The following TARS2 variants were observed in gnomAD, a reference collection of about 807,000 sequenced individuals.
TARS2 encodes threonine--tRNA ligase, mitochondrial.
In TARS2, 61 loss-of-function variants were observed where a neutral mutation model predicts 94.4. The ratio of observed to expected loss-of-function variants is 0.65; its 90% CI spans 0.53 to 0.80. TARS2 has a LOEUF of 0.80. TARS2 is among the 30% of genes least tolerant of loss of function. TARS2 has a pLI of 0.00. For synonymous variants in TARS2, 359 were observed against 353.4 expected, an observed-to-expected ratio of 1.02 and a Z score of -0.18; for missense variants, 704 against 902.5, an observed-to-expected ratio of 0.78 and a Z score of 2.82.
intron 8 of TARS2, 30 bp downstream of exon 8, chr1:150,496,658 G>GGTGATAA: frequency 2.5e-6 from 4 of 1,606,344 alleles, no homozygotes; most frequent in Non-Finnish European, 3.4e-6. Flanking sequence ...AGGGAGGGAT[G>GGTGATAA]GTGATAAGGG....
chr1:150,505,036 CT>C, intron 16 of TARS2, 58 bp downstream of exon 16: 1 of 1,574,658 alleles, frequency 6.4e-7, no homozygotes, highest in Non-Finnish European at 8.7e-7. Context: ...GTCTGGTGCC[CT>C]GCAGTGGGCA....
chr1:150,503,647 G>GTGTGTATACA (rs1331825041), intron 13 of TARS2, among the ~76,000 whole-genome samples: 1 of 149,650 alleles, frequency 6.7e-6, no homozygotes. Flanking sequence ...GTGTATATAT[G>GTGTGTATACA]TGTGTATATA....
chr1:150,497,846 C>G, intron 10 of TARS2, 99 bp downstream of exon 10: 4 of 1,264,902 alleles, frequency 3.2e-6, no homozygotes, highest in Non-Finnish European at 4.3e-6. Context: ...AATCCCAACA[C>G]TTTGGGAGGC....
intron 13 of TARS2, among the ~76,000 whole-genome samples, chr1:150,503,826 C>T (rs951480419): frequency 6.7e-6 from 1 of 150,188 alleles, no homozygotes; most frequent in African/African-American, 2.5e-5. Context: ...TCGCTTGAAC[C>T]CGGGAGGCGG....
chr1:150,498,565 G>T lies in TARS2; in HGVS notation c.1302G>T (p.Gly434=), dbSNP rs1445499723. The T allele has an allele frequency of 6.2e-7, 1 of 1,604,818 alleles. No homozygotes were observed. Among genetic ancestry groups the T allele is most frequent in the East Asian group, 2.2e-5 (1 of 44,782 alleles). ...RELPLRLADF[G]ALHRAEASGG... is the part of the protein sequence containing the mutation. ...TGCCCCTGCGACTAGCTGACTTTGGGGCTCTACACCGGGCCGAAGCCTCTG... is the reference window on the plus strand; with the variant it reads ...TGCCCCTGCGACTAGCTGACTTTGGTGCTCTACACCGGGCCGAAGCCTCTG... The change falls in exon 11 of 18, where the codon GGG becomes GGT. Residue 434 remains glycine, a synonymous_variant. Coordinates refer to ENST00000369064, the MANE Select transcript of TARS2 (RefSeq NM_025150.5).
At chr1:150,490,268 G>A (rs1236006101) in intron 3 of TARS2, among the ~76,000 whole-genome samples, 44 of 151,562 alleles carry the variant, frequency 2.9e-4, no homozygotes, top group South Asian at 4.2e-4. Flanking sequence ...ACAGACACAC[G>A]CCACCATGCC....
At chr1:150,501,344 G>A in intron 13 of TARS2, among the ~76,000 whole-genome samples, 1 of 97,414 alleles carries the variant, frequency 1.0e-5, no homozygotes, top group Non-Finnish European at 1.8e-5. Context: ...TTGAGACTAT[G>A]TCTCGCTCTG....
At chr1:150,501,587 T>C (rs1332320956) in intron 13 of TARS2, among the ~76,000 whole-genome samples, 2 of 151,568 alleles carry the variant, frequency 1.3e-5, no homozygotes, top group Non-Finnish European at 1.5e-5. Flanking sequence ...CTGCCCGCCT[T>C]GGCCTACCAA....
chr1:150,488,204 T>C, intron 2 of TARS2, 150 bp downstream of exon 2: 1 of 962,830 alleles, frequency 1.0e-6, no homozygotes. Flanking sequence ...TGTTTTTTGT[T>C]GTTGTTCTTT....
At position 150,507,271 on chromosome 1, in the gene TARS2, C is replaced by CAA. The variant is rs72121396; in HGVS notation, c.*215_*216dup. ...TTTGGATGTGAGGAGAATGAAACTA[C>CAA]AAAAAAAAATAAATTGGGCCAGGCG... On this transcript the variant is annotated 3_prime_UTR_variant, in exon 18 of 18. Transcript: ENST00000369064. 19 of 609,840 alleles carry CAA rather than the reference C, an allele frequency of 3.1e-5. No individual in the cohort carries two copies. Among genetic ancestry groups the CAA allele is most frequent in the African/African-American group, 2.6e-4 (14 of 53,022 alleles). The allele number at this position is 609,840 out of a possible 1,614,324, so 37.8% of individuals were successfully genotyped here.
chr1:150,503,579 ATATATATGTG>A (rs1560257287), intron 13 of TARS2, among the ~76,000 whole-genome samples: 2 of 90,154 alleles, frequency 2.2e-5, no homozygotes, highest in Non-Finnish European at 2.2e-5. Flanking sequence ...GTGTGTGTGT[ATATATATGTG>A]TGTGTGTGTG....
chr1:150,503,644 T>TATGTGTGTATAC (rs1553905488), intron 13 of TARS2, among the ~76,000 whole-genome samples: 36,550 of 117,278 alleles, frequency 0.31, 6,275 homozygotes, highest in Non-Finnish European at 0.43. Context: ...TGTGTGTATA[T>TATGTGTGTATAC]ATGTGTGTAT....
At chr1:150,505,271 C>T (rs1159003119) in intron 16 of TARS2, among the ~76,000 whole-genome samples, 1 of 152,152 alleles carries the variant, frequency 6.6e-6, no homozygotes, top group Non-Finnish European at 1.5e-5. Flanking sequence ...TTTATTTTTC[C>T]TTTCTAGAGA....
At chr1:150,490,397 G>T (rs1476709288) in intron 3 of TARS2, among the ~76,000 whole-genome samples, 1 of 152,016 alleles carries the variant, frequency 6.6e-6, no homozygotes, top group East Asian at 1.9e-4. Context: ...GGGGTTACAG[G>T]CATGAGCTGC....
At chr1:150,500,117 G>A (rs2102498000) in intron 13 of TARS2, among the ~76,000 whole-genome samples, 3 of 152,148 alleles carry the variant, frequency 2.0e-5, no homozygotes, top group Admixed American at 2.0e-4. Flanking sequence ...AGAGGCTGCA[G>A]TGAGCCGAGA....
At chr1:150,497,795 T>C (rs763510984) in intron 10 of TARS2, 48 bp downstream of exon 10, 24 of 1,568,616 alleles carry the variant, frequency 1.5e-5, no homozygotes, top group Non-Finnish European at 2.0e-5. Context: ...TATTAAATAA[T>C]AGAAAGCACC....
chr1:150,500,021 A>C (rs997694066), intron 13 of TARS2, among the ~76,000 whole-genome samples: 1 of 151,950 alleles, frequency 6.6e-6, no homozygotes, highest in Non-Finnish European at 1.5e-5. Context: ...AAAAAAAAAA[A>C]AAAATTAGCC....
chr1:150,497,805 C>T, intron 10 of TARS2, 58 bp downstream of exon 10: 1 of 1,537,028 alleles, frequency 6.5e-7, no homozygotes, highest in African/African-American at 1.4e-5. Flanking sequence ...TAGAAAGCAC[C>T]TTGGGGCCGG....
intron 4 of TARS2, 141 bp downstream of exon 4, chr1:150,490,866 C>T (rs1442456247): frequency 2.4e-6 from 3 of 1,256,640 alleles, no homozygotes; most frequent in Admixed American, 2.2e-5. Flanking sequence ...TTAGTATCTC[C>T]TTCTGTGCTA....
Sources: allele counts gnomAD v4.1 joint callset (sites outside exome capture counted in the v4.1 genomes callset), GRCh38; gene constraint gnomAD v4.1.1; transcripts MANE v1.5; gene names NCBI Gene and HGNC (gene_info 2026-07-23, HGNC 2026-07-21).